ANTXR1: variants seen among roughly 807,000 people sequenced by gnomAD.
ANTXR1 encodes anthrax toxin receptor 1.
ANTXR1 carries 19 observed loss-of-function variants against 78.1 expected under a neutral mutation model. The observed-to-expected ratio is 0.24, with a 90% CI of 0.17 to 0.36. The LOEUF (loss-of-function observed/expected upper bound fraction) is 0.36, where lower values mean the gene tolerates loss of function less well. Ranked by LOEUF, ANTXR1 falls within the 10% of genes least tolerant of loss-of-function variation. ANTXR1 has a pLI of 1.00. For missense variants in ANTXR1, 518 were observed against 718.6 expected (o/e 0.72, Z 3.19); for synonymous variants, 273 against 260.5 (o/e 1.05, Z -0.46).
At chr2:69,032,246 C>T (rs937123360) in intron 1 of ANTXR1, among the ~76,000 whole-genome samples, 6 of 152,118 alleles carry the variant, frequency 3.9e-5, no homozygotes, top group Non-Finnish European at 5.9e-5. Context: ...CCTGTAAATA[C>T]ACAAAGTGAA....
At chr2:69,107,696 T>C (rs1287676984) in intron 10 of ANTXR1, among the ~76,000 whole-genome samples, 1 of 152,132 alleles carries the variant, frequency 6.6e-6, no homozygotes, top group African/African-American at 2.4e-5. Flanking sequence ...CAGCAATGTA[T>C]TTAAAAAGGA....
At chr2:69,019,113 T>C (rs909867112) in intron 1 of ANTXR1, among the ~76,000 whole-genome samples, 4 of 152,212 alleles carry the variant, frequency 2.6e-5, no homozygotes, top group African/African-American at 9.6e-5. Context: ...TCTGTAAATA[T>C]GCTAAAACAC....
intron 17 of ANTXR1, among the ~76,000 whole-genome samples, chr2:69,228,968 T>C (rs1189690912): frequency 6.6e-6 from 1 of 152,184 alleles, no homozygotes; most frequent in Non-Finnish European, 1.5e-5. Flanking sequence ...CAGGTTCTGG[T>C]GAGGCCCCTC....
intron 8 of ANTXR1, 93 bp downstream of exon 8, chr2:69,077,581 T>A: frequency 7.5e-7 from 1 of 1,340,640 alleles, no homozygotes; most frequent in South Asian, 1.2e-5. Context: ...CAAAGCCTGG[T>A]GTTTTTCTGC....
At chr2:69,176,063 A>G (rs1305619206) in intron 14 of ANTXR1, among the ~76,000 whole-genome samples, 1 of 151,814 alleles carries the variant, frequency 6.6e-6, no homozygotes, top group Non-Finnish European at 1.5e-5. Flanking sequence ...ACCATTAAAT[A>G]CACATACACA....
rs142034744 is a variant in ANTXR1, at chr2:69,023,148, G to A, written c.152+9497G>A. ...CTTGGGCAAATTATTTAGCCTCTCC[G>A]AACTTCAGTATTGTTAATAAAATAG... On this transcript the variant is annotated intron_variant, in intron 1 of 17. Coordinates refer to ENST00000303714, the MANE Select transcript of ANTXR1 (RefSeq NM_032208.3). Among the ~76,000 whole-genome samples, 418 of 152,288 alleles carry A rather than the reference G, an allele frequency of 2.7e-3. 5 individuals are homozygous for A. Among genetic ancestry groups the A allele is most frequent in the African/African-American group, 8.5e-3 (353 of 41,550 alleles).
chr2:69,175,618 C>A (rs1211984007), intron 14 of ANTXR1, among the ~76,000 whole-genome samples: 1 of 152,030 alleles, frequency 6.6e-6, no homozygotes, highest in Admixed American at 6.6e-5. Flanking sequence ...AGCAAGACCC[C>A]AACTCTTCCA....
intron 12 of ANTXR1, among the ~76,000 whole-genome samples, chr2:69,130,255 A>G (rs1297377556): frequency 6.6e-6 from 1 of 152,186 alleles, no homozygotes; most frequent in African/African-American, 2.4e-5. Flanking sequence ...AAAGAAAATG[A>G]CCTAAAGTTA....
At chr2:69,101,634 C>T (rs1484611691) in intron 9 of ANTXR1, among the ~76,000 whole-genome samples, 2 of 152,228 alleles carry the variant, frequency 1.3e-5, no homozygotes, top group Non-Finnish European at 2.9e-5. Flanking sequence ...ATACTCATGA[C>T]ATTTATTAAG....
At chr2:69,095,348 C>G (rs1004794940) in intron 9 of ANTXR1, among the ~76,000 whole-genome samples, 1 of 152,164 alleles carries the variant, frequency 6.6e-6, no homozygotes, top group African/African-American at 2.4e-5. Context: ...TCCACCCACA[C>G]CCCTATGAAA....
chr2:69,114,838 C>T (rs1347964681), intron 10 of ANTXR1, among the ~76,000 whole-genome samples: 1 of 152,206 alleles, frequency 6.6e-6, no homozygotes, highest in Non-Finnish European at 1.5e-5. Context: ...CAGGACTGGT[C>T]TTTCAATGCC....
intron 17 of ANTXR1, among the ~76,000 whole-genome samples, chr2:69,225,822 T>C (rs1675437406): frequency 6.6e-6 from 1 of 152,190 alleles, no homozygotes; most frequent in African/African-American, 2.4e-5. Context: ...TTCCAGAGCT[T>C]CTTTTAGGCC....
chr2:69,198,317 A>AT (rs1674707092), intron 17 of ANTXR1, among the ~76,000 whole-genome samples: 1 of 152,044 alleles, frequency 6.6e-6, no homozygotes, highest in Non-Finnish European at 1.5e-5. Flanking sequence ...GCTAATTTGT[A>AT]TTTTTTATTA....
chr2:69,163,576 C>CA (rs1483139522), intron 13 of ANTXR1, among the ~76,000 whole-genome samples: 5 of 152,196 alleles, frequency 3.3e-5, no homozygotes, highest in Non-Finnish European at 5.9e-5. Context: ...ACATCTCCTG[C>CA]ACAGGCTGAA....
At chr2:69,235,476 C>T (rs1463858317) in intron 17 of ANTXR1, among the ~76,000 whole-genome samples, 4 of 151,366 alleles carry the variant, frequency 2.6e-5, no homozygotes, top group African/African-American at 9.7e-5. Flanking sequence ...ATGGTGAAAC[C>T]CTGTCTCTAC....
chr2:69,014,480 T>G (rs1166201536), intron 1 of ANTXR1, among the ~76,000 whole-genome samples: 1 of 152,150 alleles, frequency 6.6e-6, no homozygotes, highest in Non-Finnish European at 1.5e-5. Context: ...CCTGGTTTCC[T>G]TGCAAAAAGT....
At chr2:69,189,847 T>C (rs1167335001) in intron 16 of ANTXR1, among the ~76,000 whole-genome samples, 1 of 151,644 alleles carries the variant, frequency 6.6e-6, no homozygotes, top group Non-Finnish European at 1.5e-5. Context: ...GGGAGAAGAG[T>C]TAGTTCAGTT....
At chr2:69,188,716 A>C (rs1674482752) in intron 16 of ANTXR1, among the ~76,000 whole-genome samples, 1 of 152,250 alleles carries the variant, frequency 6.6e-6, no homozygotes, top group South Asian at 2.1e-4. Context: ...CCAGGGAGTG[A>C]GGACCAGTGT....
At chr2:69,239,222 C>T (rs1286558249) in intron 17 of ANTXR1, among the ~76,000 whole-genome samples, 1 of 152,170 alleles carries the variant, frequency 6.6e-6, no homozygotes, top group Admixed American at 6.5e-5. Flanking sequence ...AAACTGGCTG[C>T]CCCAAAAGAA....
Sources: allele counts gnomAD v4.1 joint callset (sites outside exome capture counted in the v4.1 genomes callset), GRCh38; gene constraint gnomAD v4.1.1; transcripts MANE v1.5; gene names NCBI Gene and HGNC (gene_info 2026-07-23, HGNC 2026-07-21).